PLD5: variants seen among roughly 807,000 people sequenced by gnomAD.
PLD5 encodes inactive phospholipase D5.
Under a neutral mutation model 61.1 loss-of-function variants are expected in PLD5, and 36 were observed. The ratio of observed to expected loss-of-function variants is 0.59; its 90% CI spans 0.45 to 0.78. The LOEUF is 0.78. Among genes scored for constraint, PLD5 ranks in the 30% least tolerant of loss-of-function variants. The pLI is 0.00. For missense variants in PLD5, 515 were observed against 644.4 expected (o/e 0.80, Z 2.17); for synonymous variants, 243 against 242.8 (o/e 1.00, Z -0.01).
intron 1 of PLD5, among the ~76,000 whole-genome samples, chr1:242,421,883 T>C (rs1216753424): frequency 6.6e-6 from 1 of 152,228 alleles, no homozygotes; most frequent in Non-Finnish European, 1.5e-5. Context: ...TATCCTTCTC[T>C]GAAATGAGTG....
chr1:242,521,276 A>C (rs1215410741), intron 1 of PLD5, among the ~76,000 whole-genome samples: 1 of 152,228 alleles, frequency 6.6e-6, no homozygotes, highest in Non-Finnish European at 1.5e-5. Context: ...CAACTAATTC[A>C]GGTCATTTTT....
At chr1:242,475,438 A>AG (rs1398136822) in intron 1 of PLD5, among the ~76,000 whole-genome samples, 8 of 151,452 alleles carry the variant, frequency 5.3e-5, no homozygotes, top group Non-Finnish European at 7.4e-5. Context: ...AAAAAAAAAA[A>AG]AAAGAAAACA....
Position 242,300,628 on chromosome 1 carries a change from G to A in PLD5, c.327-12098C>T, listed in dbSNP as rs540581592. 4.6e-5 allele frequency among the ~76,000 whole-genome samples: 7 copies of A among 152,178 alleles called. No homozygotes were observed. The East Asian group carries it at 1.4e-3, about 29-fold the overall frequency. ...TAAATTACACAGGGCTATTGGACAC[G>A]GTGTGAGGTTGTGGTTTATACTGTG... On this transcript the variant is annotated intron_variant, in intron 2 of 9. Coordinates refer to ENST00000536534, the MANE Select transcript of PLD5 (RefSeq NM_001372062.1).
intron 2 of PLD5, among the ~76,000 whole-genome samples, chr1:242,309,391 T>C (rs1431932222): frequency 2.9e-5 from 3 of 102,318 alleles, no homozygotes; most frequent in African/African-American, 8.2e-5. Flanking sequence ...TTCTTTTCTT[T>C]TTTTTTTTTT....
rs941519590 is a variant in PLD5, at chr1:242,221,697, CAA to C, written c.608-1584_608-1583del. ...CCAGCCATCCTGGAATAGTAACATC[CAA>C]AAAAGAGTTGCAGATCCCAGAGGAG... On this transcript the variant is annotated intron_variant, in intron 4 of 9. Coordinates refer to ENST00000536534, the MANE Select transcript of PLD5 (RefSeq NM_001372062.1). Among the ~76,000 whole-genome samples the C allele has an allele frequency of 3.3e-5, 5 of 151,956 alleles. No individual in the cohort carries two copies. In the South Asian group the frequency reaches 8.3e-4, roughly 25 times the overall value.
At chr1:242,481,570 A>C (rs1667777663) in intron 1 of PLD5, among the ~76,000 whole-genome samples, 1 of 152,236 alleles carries the variant, frequency 6.6e-6, no homozygotes, top group Non-Finnish European at 1.5e-5. Context: ...GGAAGCTCGA[A>C]CTGGGTGGAG....
At chr1:242,395,216 T>G (rs1465549277) in intron 1 of PLD5, among the ~76,000 whole-genome samples, 1 of 151,866 alleles carries the variant, frequency 6.6e-6, no homozygotes, top group East Asian at 1.9e-4. Context: ...AATTCATTTT[T>G]AAAGTTTTAC....
intron 4 of PLD5, among the ~76,000 whole-genome samples, chr1:242,253,470 C>T (rs1198277366): frequency 9.9e-5 from 15 of 151,882 alleles, no homozygotes; most frequent in East Asian, 9.8e-4. Flanking sequence ...CCTGCCACCA[C>T]GCCCGGCTAA....
At chr1:242,301,024 A>G (rs975248009) in intron 2 of PLD5, among the ~76,000 whole-genome samples, 2 of 152,078 alleles carry the variant, frequency 1.3e-5, no homozygotes, top group Non-Finnish European at 2.9e-5. Context: ...ACCTTTACTC[A>G]CACTGCCCTA....
chr1:242,479,372 T>C (rs1284793516), intron 1 of PLD5, among the ~76,000 whole-genome samples: 3 of 152,180 alleles, frequency 2.0e-5, no homozygotes, highest in Non-Finnish European at 4.4e-5. Flanking sequence ...AAATGAATTG[T>C]ATTTCCATAT....
chr1:242,314,014 G>C (rs1676861439), intron 2 of PLD5, among the ~76,000 whole-genome samples: 1 of 152,140 alleles, frequency 6.6e-6, no homozygotes, highest in African/African-American at 2.4e-5. Flanking sequence ...GGTCACTTTA[G>C]TGGTCACCTG....
At chr1:242,292,152 C>T (rs1305170510) in intron 2 of PLD5, among the ~76,000 whole-genome samples, 1 of 152,084 alleles carries the variant, frequency 6.6e-6, no homozygotes. Context: ...ACATTTAAAG[C>T]CCAATTATCT....
chr1:242,113,639 T>A (rs1279139142), intron 7 of PLD5, among the ~76,000 whole-genome samples: 2 of 152,258 alleles, frequency 1.3e-5, no homozygotes, highest in African/African-American at 2.4e-5. Context: ...TGAAAGTTAC[T>A]CTCATTTCCA....
At chr1:242,388,283 G>A (rs1662716210) in intron 1 of PLD5, among the ~76,000 whole-genome samples, 2 of 152,166 alleles carry the variant, frequency 1.3e-5, no homozygotes, top group Non-Finnish European at 1.5e-5. Flanking sequence ...AAATGTAGGA[G>A]GATGGCTGTG....
intron 1 of PLD5, among the ~76,000 whole-genome samples, chr1:242,361,391 A>G (rs1661057133): frequency 6.6e-6 from 1 of 152,210 alleles, no homozygotes; most frequent in South Asian, 2.1e-4. Flanking sequence ...ATAGAATAAG[A>G]GCCACATAAA....
intron 1 of PLD5, among the ~76,000 whole-genome samples, chr1:242,451,214 T>C (rs751083518): frequency 2.6e-5 from 4 of 152,156 alleles, no homozygotes; most frequent in Non-Finnish European, 4.4e-5. Flanking sequence ...AGCGTCTCCC[T>C]TTCTTCTACC....
chr1:242,478,621 G>T (rs1548160), intron 1 of PLD5, among the ~76,000 whole-genome samples: 103,061 of 152,062 alleles, frequency 0.68, 35,792 homozygotes, highest in African/African-American at 0.83. Context: ...ATCTGTGTAG[G>T]TCAATCACTT....
intron 5 of PLD5, among the ~76,000 whole-genome samples, chr1:242,216,052 T>C (rs145934647): frequency 1.3e-5 from 2 of 152,190 alleles, no homozygotes; most frequent in African/African-American, 2.4e-5. Flanking sequence ...CCAGCGGGGT[T>C]CCTTAGTAAC....
rs186029052 is a variant in PLD5, at chr1:242,318,189, G to A, written c.327-29659C>T. Among the ~76,000 whole-genome samples, 218 of 152,294 alleles carry A rather than the reference G, an allele frequency of 1.4e-3. 1 individual carries two copies. The highest frequency in any genetic ancestry group is 5.0e-3 in the African/African-American group (209 of 41,562). ...TGGGGCTGTGAAGGAGAGTGTGAGT[G>A]TAGAAGAAAGGGCGGTGCTCAGACA... On this transcript the variant is annotated intron_variant, in intron 2 of 9. Coordinates refer to ENST00000536534, the MANE Select transcript of PLD5 (RefSeq NM_001372062.1).
Sources: allele counts gnomAD v4.1 joint callset (sites outside exome capture counted in the v4.1 genomes callset), GRCh38; gene constraint gnomAD v4.1.1; transcripts MANE v1.5; gene names NCBI Gene and HGNC (gene_info 2026-07-23, HGNC 2026-07-21).